MIB1: variants seen among roughly 807,000 people sequenced by gnomAD.
MIB1 encodes the protein MIB E3 ubiquitin protein ligase 1.
MIB1 carries 278 observed loss-of-function variants against 124.5 expected under a neutral mutation model. The observed-to-expected ratio is 2.23, with a 90% CI of 2.02 to 2.47. The LOEUF (loss-of-function observed/expected upper bound fraction) is 2.47. Among genes scored for constraint, MIB1 ranks in the 30% most tolerant of loss-of-function variants. MIB1 has a pLI of 0.00. For missense variants in MIB1, 957 were observed against 1,254.4 expected (o/e 0.76, Z 3.58); for synonymous variants, 446 against 429.4 (o/e 1.04, Z -0.48).
intron 12 of MIB1, chr18:21,829,253 C>T: frequency 3.1e-6 from 1 of 320,342 alleles, no homozygotes; most frequent in Non-Finnish European, 6.0e-6. Flanking sequence ...ATTAATGGTT[C>T]CATATTCTTG....
At chr18:21,858,742 T>G in intron 20 of MIB1, 96 bp downstream of exon 20, 1 of 685,794 alleles carries the variant, frequency 1.5e-6, no homozygotes, top group African/African-American at 1.7e-5. Context: ...TGGTTTATAT[T>G]AGTGTATCAC....
chr18:21,751,483 G>C (rs1413198869), intron 1 of MIB1, among the ~76,000 whole-genome samples: 1 of 151,762 alleles, frequency 6.6e-6, no homozygotes, highest in Non-Finnish European at 1.5e-5. Flanking sequence ...CTGGTCTCTG[G>C]AGCTCCTGAC....
At chr18:21,734,171 A>C (rs2040784583) in intron 1 of MIB1, among the ~76,000 whole-genome samples, 1 of 144,200 alleles carries the variant, frequency 6.9e-6, no homozygotes, top group African/African-American at 2.6e-5. Flanking sequence ...CAGTGGCACG[A>C]TTTTGGCTTA....
chr18:21,807,944 A>C (rs958220830), intron 10 of MIB1, among the ~76,000 whole-genome samples: 5 of 152,180 alleles, frequency 3.3e-5, no homozygotes, highest in Non-Finnish European at 7.4e-5. Flanking sequence ...AGTTTTATCT[A>C]TACACCTTTC....
At chr18:21,821,606 T>G (rs1010523883) in intron 12 of MIB1, among the ~76,000 whole-genome samples, 2 of 151,002 alleles carry the variant, frequency 1.3e-5, no homozygotes, top group Non-Finnish European at 3.0e-5. Flanking sequence ...TTTTTTTGTT[T>G]TTTTTTTTTT....
chr18:21,749,639 C>CCCTTTT (rs2040950569), intron 1 of MIB1, among the ~76,000 whole-genome samples: 1 of 83,598 alleles, frequency 1.2e-5, no homozygotes. Context: ...TGCTACCTTA[C>CCCTTTT]TCTTTTTTTT....
At chr18:21,814,611 C>T (rs1050396480) in intron 10 of MIB1, among the ~76,000 whole-genome samples, 1 of 151,894 alleles carries the variant, frequency 6.6e-6, no homozygotes, top group African/African-American at 2.4e-5. Flanking sequence ...CTTGCTCTGT[C>T]GCTCAGGCTT....
At chr18:21,799,249 A>C (rs1159163216) in intron 8 of MIB1, among the ~76,000 whole-genome samples, 3 of 152,030 alleles carry the variant, frequency 2.0e-5, no homozygotes, top group Non-Finnish European at 4.4e-5. Context: ...AAAATATCTT[A>C]TGAAAGGGTT....
intron 1 of MIB1, among the ~76,000 whole-genome samples, chr18:21,759,424 A>G (rs571057230): frequency 6.9e-4 from 105 of 151,368 alleles, no homozygotes; most frequent in Admixed American, 3.2e-3. Flanking sequence ...TGTATTTTTA[A>G]TAGAGACGGG....
intron 1 of MIB1, among the ~76,000 whole-genome samples, chr18:21,743,740 C>A (rs900934337): frequency 6.6e-6 from 1 of 152,008 alleles, no homozygotes; most frequent in African/African-American, 2.4e-5. Context: ...TGGAGGAATT[C>A]TTGGTATCAG....
At chr18:21,809,719 C>G (rs1334954729) in intron 10 of MIB1, among the ~76,000 whole-genome samples, 3 of 152,000 alleles carry the variant, frequency 2.0e-5, no homozygotes, top group Non-Finnish European at 4.4e-5. Context: ...ATGATAAAAA[C>G]ATTGAATAAA....
At chr18:21,709,169 T>G (rs887486992) in intron 1 of MIB1, among the ~76,000 whole-genome samples, 1 of 151,910 alleles carries the variant, frequency 6.6e-6, no homozygotes, top group Non-Finnish European at 1.5e-5. Flanking sequence ...ACAAAAAAAA[T>G]TAGCTGGGTG....
At chr18:21,811,684 G>A (rs1350363503) in intron 10 of MIB1, among the ~76,000 whole-genome samples, 2 of 152,130 alleles carry the variant, frequency 1.3e-5, no homozygotes, top group Non-Finnish European at 2.9e-5. Flanking sequence ...GGAATGTATG[G>A]TGGTTTCCAG....
Position 21,848,554 on chromosome 18 carries a change from T to G in MIB1, c.2394-642T>G, listed in dbSNP as rs555790612. On this transcript the variant is annotated intron_variant, in intron 16 of 20. Transcript: ENST00000261537. ...AGGTGGACCCTCTGTGTACGTGTTGTGTACGTGTTCGTGAGTTTCTGAAGA... is the reference window on the plus strand; with the variant it reads ...AGGTGGACCCTCTGTGTACGTGTTGGGTACGTGTTCGTGAGTTTCTGAAGA... Among the ~76,000 whole-genome samples the G allele has an allele frequency of 7.9e-5, 12 of 152,356 alleles. No homozygotes were observed. In the East Asian group the frequency reaches 2.1e-3, roughly 27 times the overall value.
intron 6 of MIB1, among the ~76,000 whole-genome samples, chr18:21,783,623 T>G (rs556010539): frequency 2.6e-5 from 4 of 152,278 alleles, no homozygotes; most frequent in Non-Finnish European, 5.9e-5. Flanking sequence ...ACTACTGCTA[T>G]TTTTGTTACT....
intron 13 of MIB1, among the ~76,000 whole-genome samples, chr18:21,842,116 A>AAAAAAAAAAAAAAAG (rs1555695873): frequency 8.3e-6 from 1 of 121,192 alleles, no homozygotes; most frequent in Non-Finnish European, 1.7e-5. Context: ...AAAAAAAAAA[A>AAAAAAAAAAAAAAAG]AAGAAGAAAA....
intron 7 of MIB1, among the ~76,000 whole-genome samples, chr18:21,796,842 G>A (rs1211364337): frequency 6.6e-6 from 1 of 152,198 alleles, no homozygotes; most frequent in African/African-American, 2.4e-5. Context: ...CAACTTGAAG[G>A]GGTTCTTGCT....
At chr18:21,762,151 C>G (rs2041105792) in intron 1 of MIB1, among the ~76,000 whole-genome samples, 1 of 152,098 alleles carries the variant, frequency 6.6e-6, no homozygotes, top group Non-Finnish European at 1.5e-5. Flanking sequence ...AAAGATGTGT[C>G]AAGAAAGCCA....
At position 21,705,448 on chromosome 18, in the gene MIB1, C is replaced by T. The variant is rs888626198; in HGVS notation, n.167+325C>T. ...TTTAGAGACTTATGGAAATTCACAC[C>T]GATTACCTAATGTACAGACAAGAAA... is the stretch of plus-strand genomic sequence containing the variant. On this transcript the variant is annotated intron_variant and non_coding_transcript_variant, in intron 1 of 20. Transcript: ENST00000578646. Among the ~76,000 whole-genome samples, 3 of 152,258 alleles carry T rather than the reference C, an allele frequency of 2.0e-5. No homozygotes were observed. The East Asian group carries it at 5.8e-4, about 29-fold the overall frequency.
Sources: gnomAD v4.1 joint callset for allele counts (sites outside exome capture counted in the v4.1 genomes callset) on GRCh38, gnomAD v4.1.1 for gene constraint, MANE v1.5 for transcripts, NCBI Gene and HGNC (gene_info 2026-07-23, HGNC 2026-07-21) for gene names.